Variants in DCAF11 observed in about 807,000 individuals in gnomAD.
DCAF11 encodes DDB1- and CUL4-associated factor 11.
DCAF11 carries 44 observed loss-of-function variants against 76.1 expected under a neutral mutation model. The ratio of observed to expected loss-of-function variants is 0.58; its 90% CI spans 0.45 to 0.74. The LOEUF is 0.74. Among genes scored for constraint, DCAF11 ranks in the 30% least tolerant of loss-of-function variants. The pLI, the probability that DCAF11 is intolerant of heterozygous loss-of-function variation, is 0.00. For synonymous variants in DCAF11, 258 were observed against 255.0 expected (o/e 1.01, Z -0.11); for missense variants, 604 against 709.4 (o/e 0.85, Z 1.69).
Position 24,119,155 on chromosome 14 carries a change from C to T in DCAF11, c.790C>T (p.Arg264Cys), listed in dbSNP as rs373798935. 8 of 1,614,224 alleles carry T rather than the reference C, an allele frequency of 5.0e-6. No homozygotes were observed. The highest frequency in any genetic ancestry group is 1.3e-5 in the African/African-American group (1 of 75,060). Reference sequence around the variant, plus strand: ...CCTTCTTGCTTTTAGGCCAGATGAGCGTCGCTTTGCTGTCTTCTCCATTGC... The same window carrying T: ...CCTTCTTGCTTTTAGGCCAGATGAGTGTCGCTTTGCTGTCTTCTCCATTGC... ...HTALDLRPDERRFAVFSIAVS... is the reference protein window; with the variant it reads ...HTALDLRPDECRFAVFSIAVS... The change falls in exon 9 of 15, where the codon CGT (arginine) becomes TGT (cysteine). Residue 264 changes from arginine to cysteine, a missense_variant. Arg to Cys is a radical substitution (Grantham distance 180). Transcript: ENST00000446197.
Position 24,115,613 on chromosome 14 carries a change from A to G in DCAF11, c.19A>G (p.Ser7Gly), listed in dbSNP as rs1367527873. 1 of 1,613,438 alleles carries G rather than the reference A, an allele frequency of 6.2e-7. No individual in the cohort carries two copies. The highest frequency in any genetic ancestry group is 1.1e-5 in the South Asian group (1 of 90,982). Residue 7 changes from serine (S) to glycine (G), a missense_variant, in exon 2 of 15, where the codon AGC becomes GGC. Transcript: ENST00000446197. ...CCAGAAGATGGGATCGCGGAACAGC[A>G]GCAGTGCAGGATCCGGGTCCGGAGA... Reference protein sequence around the residue: MGSRNSSSAGSGSGDPS... With the variant: MGSRNSGSAGSGSGDPS...
intron 2 of DCAF11, among the ~76,000 whole-genome samples, chr14:24,116,394 C>T (rs1051487069): frequency 1.3e-5 from 2 of 152,094 alleles, no homozygotes; most frequent in Non-Finnish European, 2.9e-5. Context: ...ACTGTGTTCC[C>T]CAGTCTGGAG....
In DCAF11 at chr14:24,115,429, TA is replaced by T; in HGVS notation, c.-163del. 3 of 982,802 alleles carry T rather than the reference TA, an allele frequency of 3.1e-6. No homozygotes were observed. Among genetic ancestry groups the T allele is most frequent in the Non-Finnish European group, 2.9e-6 (2 of 693,244 alleles). The allele number at this position is 982,802 out of a possible 1,614,324, so 60.9% of individuals were successfully genotyped here. Reference sequence around the variant, plus strand: ...CGACGCCTTGGTAGTTGGCATAGGCTAAAGAAAAGGGATCTCAGCCCCGAGG... The same window carrying T: ...CGACGCCTTGGTAGTTGGCATAGGCTAAGAAAAGGGATCTCAGCCCCGAGG... On this transcript the variant is annotated 5_prime_UTR_variant, in exon 2 of 15. Transcript: ENST00000446197.
Position 24,117,367 on chromosome 14 carries a change from C to A in DCAF11, c.385C>A (p.His129Asn), listed in dbSNP as rs748537443. 12 of 1,614,126 alleles carry A rather than the reference C, an allele frequency of 7.4e-6. No individual in the cohort carries two copies. Among genetic ancestry groups the A allele is most frequent in the Non-Finnish European group, 1.0e-5 (12 of 1,180,058 alleles). Residue 129 changes from histidine to asparagine, a missense_variant, in exon 4 of 15, where the codon CAC becomes AAC. Transcript: ENST00000446197. This position sits in a 1 kb window ranked among gnomAD's most constrained non-coding sequence, Gnocchi z 4.3. ...QLGLRRAAQK[H>N]SFPRMLHQRE... ...GGGGCTTAGGCGGGCCGCCCAGAAG[C>A]ACAGCTTTCCTCGAATGTTGCACCA...
chr14:24,123,210 G>A lies in DCAF11; in HGVS notation c.1542G>A (p.Gln514=), dbSNP rs1052729176. ...DGNLRLWQYR[Q]AEYFQDDMPE... is the part of the protein sequence containing the mutation. ...ACCTGCGTCTGTGGCAGTACCGCCA[G>A]GCTGAGTACTTCCAGGATGACATGC... Residue 514 remains glutamine (Q), a synonymous_variant, in exon 15 of 15, where the codon CAG becomes CAA. Coordinates refer to ENST00000446197, the MANE Select transcript of DCAF11 (RefSeq NM_025230.5). 2.5e-6 allele frequency: 4 copies of A among 1,596,712 alleles called. No individual in the cohort carries two copies. Among genetic ancestry groups the A allele is most frequent in the Non-Finnish European group, 3.4e-6 (4 of 1,170,154 alleles).
intron 13 of DCAF11, 115 bp downstream of exon 13, chr14:24,121,632 T>G: frequency 1.6e-6 from 2 of 1,226,100 alleles, no homozygotes; most frequent in Non-Finnish European, 2.2e-6. Flanking sequence ...ACAGGTAAAA[T>G]CAAACTTAGC....
In DCAF11 at chr14:24,121,537, A is replaced by G; in HGVS notation, c.1399+20A>G. On this transcript the variant is annotated intron_variant, in intron 13 of 14. Transcript: ENST00000446197. ...TGGTTGGTAAGGATTGTGTCAGAAC[A>G]GGGGGCCTCAGGAAGGGCAGGAATG... is the stretch of plus-strand genomic sequence containing the variant. 1.2e-6 allele frequency: 2 copies of G among 1,612,240 alleles called. No homozygotes were observed. The highest frequency in any genetic ancestry group is 1.1e-5 in the South Asian group (1 of 91,012).
At chr14:24,119,341 T>C in intron 9 of DCAF11, 128 bp downstream of exon 9, 1 of 1,355,756 alleles carries the variant, frequency 7.4e-7, no homozygotes, top group Non-Finnish European at 1.0e-6. Context: ...AGGTCAGGAT[T>C]TACAAGTTGC....
chr14:24,116,267 C>A (rs971512250), intron 2 of DCAF11, among the ~76,000 whole-genome samples: 1 of 152,186 alleles, frequency 6.6e-6, no homozygotes, highest in African/African-American at 2.4e-5. Flanking sequence ...GTGCAGCTGG[C>A]TTTCTTTCTT....
intron 12 of DCAF11, 94 bp downstream of exon 12, chr14:24,121,085 T>C: frequency 2.0e-6 from 3 of 1,509,698 alleles, no homozygotes; most frequent in Non-Finnish European, 1.8e-6. Flanking sequence ...CATTAACTCT[T>C]TATTTGCTAA....
Position 24,117,622 on chromosome 14 carries a change from G to A in DCAF11, c.412-46G>A, listed in dbSNP as rs1418084058. ...GGAGGGGGCTTGATATGGCTGAAGT[G>A]GCCCTCTATTTCTGCTAGCAATATT... On this transcript the variant is annotated intron_variant, in intron 4 of 14. Transcript: ENST00000446197. This position sits in a 1 kb window ranked among gnomAD's most constrained non-coding sequence, Gnocchi z 4.3. 3.8e-6 allele frequency: 6 copies of A among 1,598,364 alleles called. No individual in the cohort carries two copies. In the Admixed American group the frequency reaches 1.0e-4, roughly 27 times the overall value.
chr14:24,119,197 C>A lies in DCAF11; in HGVS notation c.832C>A (p.Arg278=), dbSNP rs1233009037. The A allele has an allele frequency of 6.2e-7, 1 of 1,614,022 alleles. No homozygotes were observed. The highest frequency in any genetic ancestry group is 8.5e-7 in the Non-Finnish European group (1 of 1,180,024). ...CTCCATTGCTGTCTCCTCAGATGGA[C>A]GAGAAGTACTAGGAGGGTAAGTGCT... ...VFSIAVSSDG[R]EVLGGANDGC... Residue 278 remains arginine, a synonymous_variant, in exon 9 of 15, where the codon CGA becomes AGA. Coordinates refer to ENST00000446197, the MANE Select transcript of DCAF11 (RefSeq NM_025230.5).
At chr14:24,122,633 A>G (rs1037657487) in intron 13 of DCAF11, among the ~76,000 whole-genome samples, 2 of 152,188 alleles carry the variant, frequency 1.3e-5, no homozygotes, top group African/African-American at 2.4e-5. Context: ...AAGGTGCAGC[A>G]GGTGCACACA....
Position 24,117,828 on chromosome 14 carries a change from T to C in DCAF11, c.476+96T>C, listed in dbSNP as rs1191028667. ...GGTGTTAAAGGAGCCTCAGAGATAT[T>C]AAAGGTTAGGTTAAATGGGGTTGAA... On this transcript the variant is annotated intron_variant, in intron 5 of 14. Coordinates refer to ENST00000446197, the MANE Select transcript of DCAF11 (RefSeq NM_025230.5). This position sits in a 1 kb window ranked among gnomAD's most constrained non-coding sequence, Gnocchi z 4.3. The C allele has an allele frequency of 1.5e-6, 2 of 1,319,616 alleles. No homozygotes were observed. The highest frequency in any genetic ancestry group is 1.5e-5 in the African/African-American group (1 of 67,624). 81.7% of individuals were successfully genotyped at this position (1,319,616 alleles called of 1,614,324 possible). A position where few individuals can be genotyped will look rare whatever the true frequency, so the allele number is the denominator to read the frequency against.
chr14:24,119,644 C>T (rs1360532392), intron 10 of DCAF11, 28 bp downstream of exon 10: 5 of 1,614,240 alleles, frequency 3.1e-6, no homozygotes, highest in Admixed American at 3.3e-5. Flanking sequence ...GAGCCTCTGC[C>T]TCCTGGTTTT....
chr14:24,118,196 A>C, intron 6 of DCAF11, 41 bp downstream of exon 6: 1 of 1,583,988 alleles, frequency 6.3e-7, no homozygotes, highest in Non-Finnish European at 8.7e-7. Flanking sequence ...TTCCTGGAAC[A>C]TGGGACATTC....
intron 6 of DCAF11, 103 bp from the exon 7 acceptor site, chr14:24,118,285 T>C (rs2037620189): frequency 6.3e-7 from 1 of 1,591,474 alleles, no homozygotes; most frequent in Non-Finnish European, 8.6e-7. Flanking sequence ...ATGTTTCCCA[T>C]GATAAAGGGA....
Position 24,118,541 on chromosome 14 carries a change from A to G in DCAF11, c.724+7A>G, listed in dbSNP as rs780857207. On this transcript the variant is annotated splice_region_variant and intron_variant, in intron 7 of 14. Transcript: ENST00000446197. ...TCTAGCTGGTCTGATTACAGTGAGT[A>G]TGCACCAGGCTTCCACTGACTCTCC... 1.6e-5 allele frequency: 26 copies of G among 1,612,496 alleles called. No individual in the cohort carries two copies. In the African/African-American group the frequency reaches 2.5e-4, roughly 16 times the overall value.
In DCAF11 at chr14:24,115,005, A is replaced by T; in HGVS notation, c.-502A>T. 1 of 985,598 alleles carries T rather than the reference A, an allele frequency of 1.0e-6. No individual in the cohort carries two copies. 61.1% of individuals were successfully genotyped at this position (985,598 alleles called of 1,614,324 possible). On this transcript the variant is annotated 5_prime_UTR_variant, in exon 1 of 15. Coordinates refer to ENST00000446197, the MANE Select transcript of DCAF11 (RefSeq NM_025230.5). ...GCTTCCTCCCCCTCATGGCGTACACACCCCCGGCGCACCACGTGGGCGTGA... is the reference window on the plus strand; with the variant it reads ...GCTTCCTCCCCCTCATGGCGTACACTCCCCCGGCGCACCACGTGGGCGTGA...
Sources: allele counts gnomAD v4.1 joint callset (sites outside exome capture counted in the v4.1 genomes callset), GRCh38; gene constraint gnomAD v4.1.1; non-coding constraint Gnocchi (gnomAD v3.1); transcripts MANE v1.5; gene names NCBI Gene and HGNC (gene_info 2026-07-23, HGNC 2026-07-21).